Variants in GLIPR1 observed in about 807,000 individuals in gnomAD.
GLIPR1 encodes glioma pathogenesis-related protein 1.
In GLIPR1, 38 loss-of-function variants were observed where a neutral mutation model predicts 30.3. The observed-to-expected ratio is 1.26, with a 90% CI of 0.97 to 1.65. GLIPR1 has a LOEUF of 1.65. Ranked by LOEUF, GLIPR1 falls within the 40% of genes most tolerant of loss-of-function variation. The probability of loss-of-function intolerance (pLI) is 0.00; values close to 1 mark genes in which losing one functional copy is unlikely to be tolerated. For missense variants in GLIPR1, 285 were observed against 326.5 expected (o/e 0.87, Z 0.98); for synonymous variants, 122 against 110.6 (o/e 1.10, Z -0.65).
At chr12:75,488,145 G>C (rs1456858394) in intron 2 of GLIPR1, among the ~76,000 whole-genome samples, 1 of 152,122 alleles carries the variant, frequency 6.6e-6, no homozygotes, top group Admixed American at 6.5e-5. Context: ...CCTGTATCTT[G>C]TGCCAAACTC....
chr12:75,483,523 C>T (rs974761303), intron 2 of GLIPR1: 4 of 152,082 alleles, frequency 2.6e-5, no homozygotes, highest in African/African-American at 9.7e-5. Flanking sequence ...GGGAATGAGC[C>T]AGGGAAGGAG....
intron 2 of GLIPR1, among the ~76,000 whole-genome samples, chr12:75,488,759 C>G (rs1237289709): frequency 6.6e-6 from 1 of 152,190 alleles, no homozygotes. Context: ...AGACTCCAGA[C>G]CAGCTCATCC....
At chr12:75,488,723 C>G (rs951664748) in intron 2 of GLIPR1, among the ~76,000 whole-genome samples, 1 of 152,178 alleles carries the variant, frequency 6.6e-6, no homozygotes, top group Non-Finnish European at 1.5e-5. Flanking sequence ...ACCCAGGGAT[C>G]ACACAGGATG....
chr12:75,499,812 CTTTT>C lies in GLIPR1; in HGVS notation c.*839_*842del. 6.3e-7 allele frequency: 1 copy of C among 1,595,218 alleles called. No homozygotes were observed. The highest frequency in any genetic ancestry group is 1.1e-5 in the South Asian group (1 of 87,796). On this transcript the variant is annotated 3_prime_UTR_variant, in exon 6 of 6. Coordinates refer to ENST00000266659, the MANE Select transcript of GLIPR1 (RefSeq NM_006851.3). Reference sequence around the variant, plus strand: ...TAGTCAAGGAGTTTTGGGTATGTTACTTTTTTTTCTTCTTTTTCTTTTCATCTGC... The same window carrying C: ...TAGTCAAGGAGTTTTGGGTATGTTACTTTTCTTCTTTTTCTTTTCATCTGC...
In GLIPR1 at chr12:75,499,818, T is replaced by G; in HGVS notation, c.*840T>G. ...AGGAGTTTTGGGTATGTTACTTTTT[T>G]TTCTTCTTTTTCTTTTCATCTGCCT... On this transcript the variant is annotated 3_prime_UTR_variant, in exon 6 of 6. Coordinates refer to ENST00000266659, the MANE Select transcript of GLIPR1 (RefSeq NM_006851.3). The G allele has an allele frequency of 6.3e-7, 1 of 1,599,182 alleles. No individual in the cohort carries two copies. The highest frequency in any genetic ancestry group is 1.7e-4 in the Middle Eastern group (1 of 6,004).
Position 75,499,069 on chromosome 12 carries a change from A to AAAAC in GLIPR1, c.*93_*96dup. The AAAAC allele has an allele frequency of 1.3e-6, 1 of 777,702 alleles. No individual in the cohort carries two copies. The highest frequency in any genetic ancestry group is 2.0e-6 in the Non-Finnish European group (1 of 507,960). 48.2% of individuals were successfully genotyped at this position (777,702 alleles called of 1,614,324 possible). A position where few individuals can be genotyped will look rare whatever the true frequency, so the allele number is the denominator to read the frequency against. On this transcript the variant is annotated 3_prime_UTR_variant, in exon 6 of 6. Transcript: ENST00000266659. ...TAACAATTAGGTGTACTTCTATTTT[A>AAAAC]AAACATTTCAGAAAAAAATATATGT...
chr12:75,492,423 G>C (rs1341234352), intron 3 of GLIPR1: 1 of 152,152 alleles, frequency 6.6e-6, no homozygotes, highest in African/African-American at 2.4e-5. Flanking sequence ...TTAATTTACT[G>C]TGTGACCCTG....
Position 75,502,209 on chromosome 12 carries a change from A to G in GLIPR1, c.*3231A>G, listed in dbSNP as rs2046399190. 3.5e-5 allele frequency: 17 copies of G among 492,620 alleles called. No homozygotes were observed. In the South Asian group the frequency reaches 4.9e-4, roughly 14 times the overall value. 30.5% of individuals were successfully genotyped at this position (492,620 alleles called of 1,614,324 possible). A position where few individuals can be genotyped will look rare whatever the true frequency, so the allele number is the denominator to read the frequency against. On this transcript the variant is annotated 3_prime_UTR_variant, in exon 6 of 6. Coordinates refer to ENST00000266659, the MANE Select transcript of GLIPR1 (RefSeq NM_006851.3). ...TAGGAAAGCACCTCCATGGAATACA[A>G]CCCAGAGTAGTTCAGGGATATGGCA...
chr12:75,494,517 ATTAC>A (rs1468776772), intron 3 of GLIPR1: 2 of 152,182 alleles, frequency 1.3e-5, no homozygotes, highest in African/African-American at 2.4e-5. Flanking sequence ...AGAAGCACAT[ATTAC>A]TTTATCACAA....
At chr12:75,495,733 T>C (rs1566099952) in intron 4 of GLIPR1, 71 bp downstream of exon 4, 2 of 908,060 alleles carry the variant, frequency 2.2e-6, no homozygotes, top group Admixed American at 2.0e-5. Context: ...GAATTAACAA[T>C]GAAACCATGT....
chr12:75,489,544 C>T (rs964305228), intron 2 of GLIPR1, among the ~76,000 whole-genome samples: 17 of 152,118 alleles, frequency 1.1e-4, no homozygotes, highest in Non-Finnish European at 1.8e-4. Context: ...CCCCTGCCCA[C>T]GCTCCCACCT....
chr12:75,484,392 T>C (rs899493931), intron 2 of GLIPR1: 33 of 152,318 alleles, frequency 2.2e-4, no homozygotes, highest in African/African-American at 7.7e-4. Flanking sequence ...TACCCACAGG[T>C]GAATAAACAG....
In GLIPR1 at chr12:75,481,887, G is replaced by A. The variant is rs141682565; in HGVS notation, c.228G>A (p.Gln76=). 6.4e-4 allele frequency: 1,025 copies of A among 1,614,120 alleles called. 3 individuals are homozygous for A. The African/African-American group carries it at 0.012, about 18-fold the overall frequency. ...CAAAAGCATGGGCCAGCAATTGCCAGTTTTCACATAATACACGGCTGAAGC... is the reference window on the plus strand; with the variant it reads ...CAAAAGCATGGGCCAGCAATTGCCAATTTTCACATAATACACGGCTGAAGC... ...QIAKAWASNC[Q]FSHNTRLKPP... The change falls in exon 2 of 6, where the codon CAG becomes CAA. Residue 76 remains glutamine, a synonymous_variant. Transcript: ENST00000266659.
chr12:75,481,212 T>G (rs2046268744), intron 1 of GLIPR1, 158 bp downstream of exon 1: 4 of 527,584 alleles, frequency 7.6e-6, no homozygotes, highest in Non-Finnish European at 9.9e-6. Flanking sequence ...ACATCCAGTT[T>G]AGCTCTGTCT....
At chr12:75,487,794 C>T (rs919021010) in intron 2 of GLIPR1, 5 of 456,064 alleles carry the variant, frequency 1.1e-5, no homozygotes, top group Middle Eastern at 3.2e-4. Context: ...TTGAATCTCG[C>T]GCGAGAAAAT....
At position 75,500,495 on chromosome 12, in the gene GLIPR1, AATTC is replaced by A. The variant is rs2046384918; in HGVS notation, c.*1521_*1524del. 2.5e-5 allele frequency: 1 copy of A among 39,652 alleles called. No homozygotes were observed. Among genetic ancestry groups the A allele is most frequent in the Admixed American group, 2.2e-4 (1 of 4,546 alleles). The allele number at this position is 39,652 out of a possible 1,614,324, so 2.5% of individuals were successfully genotyped here. A position where few individuals can be genotyped will look rare whatever the true frequency, so the allele number is the denominator to read the frequency against. ...ATATTAATTGAATATTCAATGAATT[AATTC>A]ATTTAATGTTAGATTAATTCATTGA... On this transcript the variant is annotated 3_prime_UTR_variant, in exon 6 of 6. Coordinates refer to ENST00000266659, the MANE Select transcript of GLIPR1 (RefSeq NM_006851.3).
intron 2 of GLIPR1, among the ~76,000 whole-genome samples, chr12:75,490,134 AATC>A (rs1401123202): frequency 6.6e-6 from 1 of 151,246 alleles, no homozygotes; most frequent in African/African-American, 2.4e-5. Context: ...CCTTGCCAGC[AATC>A]ACTCCCTATT....
intron 4 of GLIPR1, chr12:75,497,369 G>C (rs1356615995): frequency 6.6e-6 from 1 of 151,978 alleles, no homozygotes; most frequent in Non-Finnish European, 1.5e-5. Flanking sequence ...GAAAACCCTT[G>C]GACTCTTGAG....
rs374103747 is a variant in GLIPR1 at position 75,487,908 on chromosome 12, A to AT, written c.421-2493dup. ...CAGTCCTGAGGGCTGCTGGTTGCCC[A>AT]TTTTTATGGTTATTTCTTGATGATA... On this transcript the variant is annotated intron_variant, in intron 2 of 5. Coordinates refer to ENST00000266659, the MANE Select transcript of GLIPR1 (RefSeq NM_006851.3). 603 of 345,342 alleles carry AT rather than the reference A, an allele frequency of 1.7e-3. 2 individuals are homozygous for AT. Among genetic ancestry groups the AT allele is most frequent in the African/African-American group, 0.012 (540 of 46,892 alleles). 21.4% of individuals were successfully genotyped at this position (345,342 alleles called of 1,614,324 possible).
Sources: allele counts gnomAD v4.1 joint callset (sites outside exome capture counted in the v4.1 genomes callset), GRCh38; gene constraint gnomAD v4.1.1; transcripts MANE v1.5; gene names NCBI Gene and HGNC (gene_info 2026-07-23, HGNC 2026-07-21).